The following ERBB3 variants were observed in gnomAD, a reference collection of about 807,000 sequenced individuals.
The protein encoded by ERBB3 is receptor tyrosine-protein kinase erbB-3.
In ERBB3, 96 loss-of-function variants were observed where a neutral mutation model predicts 156.7. The observed-to-expected ratio is 0.61, with a 90% confidence interval of 0.52 to 0.73. The LOEUF (loss-of-function observed/expected upper bound fraction) is 0.73, where lower values mean the gene tolerates loss of function less well. ERBB3 is among the 30% of genes least tolerant of loss of function. ERBB3 has a pLI of 0.00. For missense variants in ERBB3, 1,406 were observed against 1,709.4 expected (o/e 0.82, Z 3.13); for synonymous variants, 567 against 632.0 (o/e 0.90, Z 1.54).
rs1258973140 is a variant in ERBB3, at chr12:56,101,101, C to T, written c.3242C>T (p.Pro1081Leu). The change falls in exon 27 of 28, where the codon CCA becomes CTA. Residue 1081 changes from proline (P) to leucine (L), a missense_variant. Coordinates refer to ENST00000267101, the MANE Select transcript of ERBB3 (RefSeq NM_001982.4). ...GGGAGCAGTGAACGGTGCCCCCGTC[C>T]AGTCTCTCTACACCCAATGCCACGG... ...VSGSSERCPRPVSLHPMPRGC... is the reference protein window; with the variant it reads ...VSGSSERCPRLVSLHPMPRGC... 6.2e-7 allele frequency: 1 copy of T among 1,614,110 alleles called. No homozygotes were observed. The highest frequency in any genetic ancestry group is 8.5e-7 in the Non-Finnish European group (1 of 1,180,002).
rs1307691948 is a variant in ERBB3 at position 56,093,134 on chromosome 12, C to T, written c.1274+58C>T. Reference sequence around the variant, plus strand: ...CAGGCAATGAAGCCTGTGTCATAGGCATTCTTTAGTAAAATACAAGGCACT... The same window carrying T: ...CAGGCAATGAAGCCTGTGTCATAGGTATTCTTTAGTAAAATACAAGGCACT... On this transcript the variant is annotated intron_variant, in intron 11 of 27. Coordinates refer to ENST00000267101, the MANE Select transcript of ERBB3 (RefSeq NM_001982.4). The T allele has an allele frequency of 4.4e-6, 6 of 1,353,258 alleles. No individual in the cohort carries two copies. In the Admixed American group the frequency reaches 1.0e-4, roughly 23 times the overall value. 83.8% of individuals were successfully genotyped at this position (1,353,258 alleles called of 1,614,324 possible).
rs748051476 is a variant in ERBB3 at position 56,093,397 on chromosome 12, T to A, written c.1327T>A (p.Phe443Ile). The stretch of plus-strand genomic sequence containing the variant: ...GAACTTGAATGTCACATCTCTGGGC[T>A]TCCGATCCCTGAAGGAAATTAGTGC... ...MKNLNVTSLG[F>I]RSLKEISAGR... is the part of the protein sequence containing the mutation. Residue 443 changes from phenylalanine to isoleucine, a missense_variant, in exon 12 of 28, where the codon TTC becomes ATC. Around this residue, in one of 3 missense-constraint regions of ERBB3, gnomAD observed 979 missense variants for 1,219.6 expected, o/e 0.80. Transcript: ENST00000267101. 3.1e-6 allele frequency: 5 copies of A among 1,613,988 alleles called. No individual in the cohort carries two copies. In the East Asian group the frequency reaches 1.1e-4, roughly 36 times the overall value.
intron 9 of ERBB3, among the ~76,000 whole-genome samples, chr12:56,090,699 TAC>T (rs112340323): frequency 3.2e-4 from 48 of 149,482 alleles, no homozygotes; most frequent in African/African-American, 6.6e-4. Flanking sequence ...TGTCTCTCTC[TAC>T]ACACACACAC....
intron 9 of ERBB3, 23 bp from the exon 10 acceptor site, chr12:56,092,724 C>T: frequency 6.3e-7 from 1 of 1,576,084 alleles, no homozygotes. Flanking sequence ...ACCTTATTGA[C>T]TGGTTTCTAC....
chr12:56,100,367 C>A lies in ERBB3; in HGVS notation c.3201+122C>A, dbSNP rs976915935. On this transcript the variant is annotated intron_variant, in intron 26 of 27. Coordinates refer to ENST00000267101, the MANE Select transcript of ERBB3 (RefSeq NM_001982.4). ...AAAAAAGAAGGCAGTGAGGGCCGGG[C>A]GAGTTGGCTCACACCTGTAATCCCA... 3.6e-6 allele frequency: 3 copies of A among 833,750 alleles called. No individual in the cohort carries two copies. The African/African-American group carries it at 5.0e-5, about 14-fold the overall frequency. The allele number at this position is 833,750 out of a possible 1,614,324, so 51.6% of individuals were successfully genotyped here. A position where few individuals can be genotyped will look rare whatever the true frequency, so the allele number is the denominator to read the frequency against.
intron 21 of ERBB3, 51 bp downstream of exon 21, chr12:56,097,991 T>C: frequency 1.3e-6 from 2 of 1,591,132 alleles, no homozygotes; most frequent in Non-Finnish European, 1.7e-6. Context: ...AGCATGGGGA[T>C]AGGGAGCAGC....
intron 1 of ERBB3, among the ~76,000 whole-genome samples, chr12:56,082,496 G>A (rs1868364747): frequency 6.6e-6 from 1 of 152,082 alleles, no homozygotes; most frequent in South Asian, 2.1e-4. Flanking sequence ...GCCCTCCAAG[G>A]TCAAGAAGTC....
Position 56,096,753 on chromosome 12 carries a change from G to A in ERBB3, c.2181G>A (p.Val727=), listed in dbSNP as rs1483569353. The part of the protein sequence containing the change: ...SGVFGTVHKG[V]WIPEGESIKI... ...TCCTGCCCCAAACTTCCCAGGGAGT[G>A]TGGATCCCTGAGGGTGAATCAATCA... Residue 727 remains valine, a synonymous_variant, in exon 19 of 28, where the codon GTG becomes GTA. Transcript: ENST00000267101. 1.9e-6 allele frequency: 3 copies of A among 1,612,942 alleles called. No individual in the cohort carries two copies. In the African/African-American group the frequency reaches 4.0e-5, roughly 22 times the overall value.
intron 15 of ERBB3, among the ~76,000 whole-genome samples, chr12:56,094,831 A>G (rs1868839018): frequency 6.6e-6 from 1 of 152,146 alleles, no homozygotes; most frequent in African/African-American, 2.4e-5. Context: ...CATGCCTGTA[A>G]TCCCAGCTAC....
At position 56,093,508 on chromosome 12, in the gene ERBB3, G is replaced by C. The variant is rs1289331532; in HGVS notation, c.1438G>C (p.Glu480Gln). The change falls in exon 12 of 28, where the codon GAG becomes CAG. Residue 480 changes from glutamate (E) to glutamine (Q), a missense_variant. Physicochemically the swap from Glu to Gln is conservative, Grantham distance 29. This residue lies in a region of ERBB3 where 979 missense variants were observed against 1,219.6 expected (regional missense o/e 0.80). Transcript: ENST00000267101. Reference sequence around the variant, plus strand: ...CAAGGTGCTTCGGGGGCCTACGGAAGAGCGACTAGACATCAAGCATAATCG... The same window carrying C: ...CAAGGTGCTTCGGGGGCCTACGGAACAGCGACTAGACATCAAGCATAATCG... ...WTKVLRGPTEERLDIKHNRPR... is the reference protein window; with the variant it reads ...WTKVLRGPTEQRLDIKHNRPR... The C allele has an allele frequency of 6.2e-7, 1 of 1,613,740 alleles. No individual in the cohort carries two copies. Among genetic ancestry groups the C allele is most frequent in the Admixed American group, 1.7e-5 (1 of 59,994 alleles).
At chr12:56,092,587 C>G (rs1868750732) in intron 9 of ERBB3, among the ~76,000 whole-genome samples, 160 bp from the exon 10 acceptor site, 1 of 152,070 alleles carries the variant, frequency 6.6e-6, no homozygotes, top group Non-Finnish European at 1.5e-5. Flanking sequence ...ACAAGATGCT[C>G]TGGGCTTATA....
chr12:56,082,644 C>T (rs936012064), intron 1 of ERBB3, among the ~76,000 whole-genome samples: 2 of 152,152 alleles, frequency 1.3e-5, no homozygotes, highest in African/African-American at 2.4e-5. Flanking sequence ...CCCTACTCCC[C>T]ACCCCACACA....
chr12:56,102,133 C>T lies in ERBB3; in HGVS notation c.*78C>T. 7.8e-7 allele frequency: 1 copy of T among 1,284,238 alleles called. No homozygotes were observed. The highest frequency in any genetic ancestry group is 2.3e-5 in the East Asian group (1 of 43,396). The allele number at this position is 1,284,238 out of a possible 1,614,324, so 79.6% of individuals were successfully genotyped here. A position where few individuals can be genotyped will look rare whatever the true frequency, so the allele number is the denominator to read the frequency against. ...GAGGGTACCGTCTTCTCCCTATTCCCTCTCTCTCCCAGGTCCCAGCCCCTT... is the reference window on the plus strand; with the variant it reads ...GAGGGTACCGTCTTCTCCCTATTCCTTCTCTCTCCCAGGTCCCAGCCCCTT... On this transcript the variant is annotated 3_prime_UTR_variant, in exon 28 of 28. Transcript: ENST00000267101.
In ERBB3 at chr12:56,098,772, G is replaced by A. The variant is rs2136822272; in HGVS notation, c.2706G>A (p.Trp902Ter). 6.2e-7 allele frequency: 1 copy of A among 1,614,120 alleles called. No homozygotes were observed. The highest frequency in any genetic ancestry group is 8.5e-7 in the Non-Finnish European group (1 of 1,180,012). ...SDVWSYGVTV[W>*]ELMTFGAEPY... ...TTCCTGCAACAGGTGTGACAGTTTG[G>A]GAGTTGATGACCTTCGGGGCAGAGC... is the stretch of plus-strand genomic sequence containing the variant. Residue 902 changes from tryptophan to a stop codon, truncating the protein, a stop_gained, in exon 23 of 28, where the codon TGG becomes TGA. Coordinates refer to ENST00000267101, the MANE Select transcript of ERBB3 (RefSeq NM_001982.4). LOFTEE classifies it high-confidence loss of function.
chr12:56,080,195 A>G lies in ERBB3; in HGVS notation c.-106A>G. ...TTGCAACCTCCGCTGCCGTCGCCGC[A>G]GCAGCCACCAATTCGCCAGCGGTTC... is the stretch of plus-strand genomic sequence containing the variant. On this transcript the variant is annotated 5_prime_UTR_variant, in exon 1 of 28. Transcript: ENST00000267101. 2.2e-6 allele frequency: 2 copies of G among 896,784 alleles called. No individual in the cohort carries two copies. The allele number at this position is 896,784 out of a possible 1,614,324, so 55.6% of individuals were successfully genotyped here. A position where few individuals can be genotyped will look rare whatever the true frequency, so the allele number is the denominator to read the frequency against.
Position 56,093,823 on chromosome 12 carries a change from C to T in ERBB3, c.1540C>T (p.Pro514Ser), listed in dbSNP as rs1376131736. 2 of 1,613,934 alleles carry T rather than the reference C, an allele frequency of 1.2e-6. No homozygotes were observed. Among genetic ancestry groups the T allele is most frequent in the African/African-American group, 1.3e-5 (1 of 74,942 alleles). The change falls in exon 13 of 28, where the codon CCT (proline) becomes TCT (serine). Residue 514 changes from proline (P) to serine (S), a missense_variant. By Grantham distance (74) the Pro-to-Ser change is moderately conservative. Coordinates refer to ENST00000267101, the MANE Select transcript of ERBB3 (RefSeq NM_001982.4). ...CSSGGCWGPG[P>S]GQCLSCRNYS... ...CTCTGGGGGATGCTGGGGCCCAGGC[C>T]CTGGTCAGTGCTTGTCCTGTCGAAA...
rs796241297 is a variant in ERBB3, at chr12:56,094,551, C to G, written c.1854C>G (p.Thr618=). ...GTCGGCCCTGCCATGAGAACTGCAC[C>G]CAGGGGTCAGTGATGGGATAATAAG... The part of the protein sequence containing the change: ...NECRPCHENC[T]QGCKGPELQD... Residue 618 remains threonine, a synonymous_variant, in exon 15 of 28, where the codon ACC becomes ACG. Coordinates refer to ENST00000267101, the MANE Select transcript of ERBB3 (RefSeq NM_001982.4). The G allele has an allele frequency of 1.1e-5, 17 of 1,613,718 alleles. No homozygotes were observed. The East Asian group carries it at 1.1e-4, about 11-fold the overall frequency.
chr12:56,096,679 G>A (rs1868899485), intron 18 of ERBB3, 57 bp downstream of exon 18: 1 of 1,613,896 alleles, frequency 6.2e-7, no homozygotes, highest in Non-Finnish European at 8.5e-7. Context: ...GCAAAGGGGT[G>A]AAAGATTTTT....
chr12:56,088,440 C>A, intron 7 of ERBB3, 103 bp from the exon 8 acceptor site: 1 of 972,462 alleles, frequency 1.0e-6, no homozygotes, highest in Non-Finnish European at 1.7e-6. Flanking sequence ...GGGGACAAAT[C>A]CAGTGCAGAG....
Sources: gnomAD v4.1 joint callset for allele counts (sites outside exome capture counted in the v4.1 genomes callset) on GRCh38, gnomAD v4.1.1 for gene constraint, gnomAD v4.1.1 regional missense constraint, MANE v1.5 for transcripts, NCBI Gene and HGNC (gene_info 2026-07-23, HGNC 2026-07-21) for gene names.